TEAD1: variants seen among roughly 807,000 people sequenced by gnomAD.
TEAD1 encodes the protein TEA domain transcription factor 1.
Under a neutral mutation model 54.9 loss-of-function variants are expected in TEAD1, and 9 were observed. That is an observed-to-expected ratio of 0.16 (90% CI 0.10 to 0.29). TEAD1 has a LOEUF of 0.29. TEAD1 is among the 10% of genes least tolerant of loss of function. TEAD1 has a pLI of 1.00. For synonymous variants in TEAD1, 200 were observed against 187.8 expected, an observed-to-expected ratio of 1.07 and a Z score of -0.53; for missense variants, 387 against 535.9, an observed-to-expected ratio of 0.72 and a Z score of 2.74.
intron 9 of TEAD1, 76 bp downstream of exon 9, chr11:12,883,201 C>T: frequency 6.2e-7 from 1 of 1,605,290 alleles, no homozygotes; most frequent in Non-Finnish European, 8.5e-7. Flanking sequence ...GCTTCTCTTT[C>T]TTTCCTCCTT....
chr11:12,898,208 G>A (rs1275757197), intron 9 of TEAD1, among the ~76,000 whole-genome samples: 1 of 152,018 alleles, frequency 6.6e-6, no homozygotes, highest in Non-Finnish European at 1.5e-5. Context: ...CCATTATCAG[G>A]GATTTGAACA....
At chr11:12,778,628 C>T (rs767537781) in intron 3 of TEAD1, among the ~76,000 whole-genome samples, 41 of 150,798 alleles carry the variant, frequency 2.7e-4, no homozygotes, top group South Asian at 1.3e-3. Context: ...CAGTGCTGCT[C>T]AGCCTCCAGT....
At chr11:12,806,025 C>T (rs1312009904) in intron 3 of TEAD1, among the ~76,000 whole-genome samples, 1 of 152,146 alleles carries the variant, frequency 6.6e-6, no homozygotes, top group Non-Finnish European at 1.5e-5. Flanking sequence ...TAAATGTAGA[C>T]AAACCTGTCC....
intron 12 of TEAD1, among the ~76,000 whole-genome samples, chr11:12,931,826 A>T (rs2087554400): frequency 6.6e-6 from 1 of 152,194 alleles, no homozygotes; most frequent in Non-Finnish European, 1.5e-5. Context: ...TGCATATTAG[A>T]TTCATCCAGG....
chr11:12,683,369 G>T (rs144145921), intron 2 of TEAD1, among the ~76,000 whole-genome samples: 1 of 152,132 alleles, frequency 6.6e-6, no homozygotes, highest in African/African-American at 2.4e-5. Context: ...ATTGTGGATG[G>T]GTGTTGCCTT....
At chr11:12,708,236 T>C (rs558269732) in intron 2 of TEAD1, among the ~76,000 whole-genome samples, 1 of 152,016 alleles carries the variant, frequency 6.6e-6, no homozygotes, top group African/African-American at 2.4e-5. Flanking sequence ...ATCCAGGTGC[T>C]AGGGCTAAGG....
chr11:12,715,075 G>A (rs535138005), intron 2 of TEAD1, among the ~76,000 whole-genome samples: 4 of 152,118 alleles, frequency 2.6e-5, no homozygotes, highest in Admixed American at 6.5e-5. Context: ...ATGTAGCTAT[G>A]AATAAAACAC....
At chr11:12,924,721 A>T (rs1948877980) in intron 10 of TEAD1, among the ~76,000 whole-genome samples, 191 bp from the exon 11 acceptor site, 1 of 152,162 alleles carries the variant, frequency 6.6e-6, no homozygotes, top group South Asian at 2.1e-4. Context: ...ATTTCAAGAG[A>T]GGACTGCCCA....
Position 12,939,891 on chromosome 11 carries a change from A to T in TEAD1, c.*2669A>T, listed in dbSNP as rs1435547861. ...GATTGGCATCACAACATCTAATCTG[A>T]GTCTGTCTTTTGTCCTTCATTCTGT... On this transcript the variant is annotated 3_prime_UTR_variant, in exon 13 of 13. Coordinates refer to ENST00000527636, the MANE Select transcript of TEAD1 (RefSeq NM_021961.6). The T allele has an allele frequency of 1.3e-5, 2 of 152,102 alleles. No individual in the cohort carries two copies. The highest frequency in any genetic ancestry group is 2.4e-5 in the African/African-American group (1 of 41,402). 9.4% of individuals were successfully genotyped at this position (152,102 alleles called of 1,614,324 possible).
intron 3 of TEAD1, among the ~76,000 whole-genome samples, chr11:12,840,373 T>C (rs1008652358): frequency 2.7e-5 from 4 of 149,908 alleles, no homozygotes; most frequent in African/African-American, 7.4e-5. Context: ...GGATGGGGAG[T>C]CAGAAGAAGC....
intron 3 of TEAD1, among the ~76,000 whole-genome samples, chr11:12,837,913 C>T (rs1308700556): frequency 6.6e-6 from 1 of 151,814 alleles, no homozygotes; most frequent in Admixed American, 6.6e-5. Context: ...AGCGATTCTC[C>T]TGCCTCAGCC....
chr11:12,872,667 A>G (rs185291414), intron 5 of TEAD1, among the ~76,000 whole-genome samples: 57 of 152,332 alleles, frequency 3.7e-4, no homozygotes, highest in African/African-American at 1.3e-3. Context: ...TATAAGGGCA[A>G]CAGAAACAGT....
intron 10 of TEAD1, among the ~76,000 whole-genome samples, chr11:12,907,989 A>T (rs1220603024): frequency 1.3e-5 from 2 of 152,232 alleles, no homozygotes; most frequent in Non-Finnish European, 2.9e-5. Flanking sequence ...TCATTATGAG[A>T]TGCTCTGGTG....
chr11:12,834,373 G>A (rs1946841336), intron 3 of TEAD1, among the ~76,000 whole-genome samples: 1 of 152,180 alleles, frequency 6.6e-6, no homozygotes, highest in South Asian at 2.1e-4. Flanking sequence ...TCCTTTTAAG[G>A]GCAGTGCAAT....
chr11:12,842,010 C>T (rs1161132784), intron 3 of TEAD1, among the ~76,000 whole-genome samples: 1 of 151,970 alleles, frequency 6.6e-6, no homozygotes, highest in African/African-American at 2.4e-5. Flanking sequence ...CCTCATGTGC[C>T]GAATTCTGAA....
chr11:12,819,193 G>T (rs562520168), intron 3 of TEAD1, among the ~76,000 whole-genome samples: 2 of 152,126 alleles, frequency 1.3e-5, no homozygotes, highest in Non-Finnish European at 2.9e-5. Context: ...TAAGAGAAAG[G>T]TTTGCATTTA....
intron 9 of TEAD1, among the ~76,000 whole-genome samples, chr11:12,894,289 T>C (rs997550018): frequency 6.6e-6 from 1 of 152,186 alleles, no homozygotes; most frequent in African/African-American, 2.4e-5. Flanking sequence ...CAGGACCCGG[T>C]GTGTCTGAGG....
rs150978600 is a variant in TEAD1 at position 12,715,733 on chromosome 11, A to G, written c.-55+40172A>G. On this transcript the variant is annotated intron_variant, in intron 2 of 12. Coordinates refer to ENST00000527636, the MANE Select transcript of TEAD1 (RefSeq NM_021961.6). ...AAAAAAGATGCCCAGTTAAATTTGA[A>G]TATCAGATAATCAGTGTATGTCCCA... 7.1e-3 allele frequency among the ~76,000 whole-genome samples: 1,079 copies of G among 152,276 alleles called. 41 individuals carry two copies. The highest frequency in any genetic ancestry group is 3.1e-3 in the East Asian group (16 of 5,178).
intron 3 of TEAD1, among the ~76,000 whole-genome samples, chr11:12,775,245 G>A (rs1386443079): frequency 6.6e-6 from 1 of 152,096 alleles, no homozygotes; most frequent in Admixed American, 6.6e-5. Flanking sequence ...GAGCTCCAGG[G>A]CAGACTTTTA....
Sources: gnomAD v4.1 joint callset for allele counts (sites outside exome capture counted in the v4.1 genomes callset) on GRCh38, gnomAD v4.1.1 for gene constraint, MANE v1.5 for transcripts, NCBI Gene and HGNC (gene_info 2026-07-23, HGNC 2026-07-21) for gene names.